Variants in EDIL3 observed in about 807,000 individuals in gnomAD.
EDIL3 encodes the protein EGF like and discoidin domains 3.
In EDIL3, 37 loss-of-function variants were observed where a neutral mutation model predicts 67.4. That is an observed-to-expected ratio of 0.55 (90% CI 0.42 to 0.72). EDIL3 has a LOEUF of 0.72. Among genes scored for constraint, EDIL3 ranks in the 30% least tolerant of loss-of-function variants. The pLI, the probability that EDIL3 is intolerant of heterozygous loss-of-function variation, is 0.00. For synonymous variants in EDIL3, 195 were observed against 196.3 expected (o/e 0.99, Z 0.05); for missense variants, 527 against 586.3 (o/e 0.90, Z 1.04).
At chr5:84,001,862 A>C (rs1355592027) in intron 9 of EDIL3, among the ~76,000 whole-genome samples, 1 of 152,120 alleles carries the variant, frequency 6.6e-6, no homozygotes, top group East Asian at 1.9e-4. Context: ...TACTCAAATC[A>C]TTCTGAAAAA....
rs1744242269 is a variant in EDIL3, at chr5:83,942,504, T to C, written c.*915A>G. The C allele has an allele frequency of 6.6e-6, 1 of 152,068 alleles. No homozygotes were observed. The highest frequency in any genetic ancestry group is 1.5e-5 in the Non-Finnish European group (1 of 67,976). The allele number at this position is 152,068 out of a possible 1,614,324, so 9.4% of individuals were successfully genotyped here. A position where few individuals can be genotyped will look rare whatever the true frequency, so the allele number is the denominator to read the frequency against. On this transcript the variant is annotated 3_prime_UTR_variant, in exon 11 of 11. Coordinates refer to ENST00000296591, the MANE Select transcript of EDIL3 (RefSeq NM_005711.5). ...CGATTTTTTAAAGTAAATATAAGGA[T>C]ATGTAATTACCATCTAAATGAAGAT... is the stretch of plus-strand genomic sequence containing the variant.
At chr5:84,249,952 G>T (rs6888441) in intron 2 of EDIL3, among the ~76,000 whole-genome samples, 46,605 of 151,684 alleles carry the variant, frequency 0.31, 7,442 homozygotes, top group East Asian at 0.52. Context: ...TATATATATA[G>T]AGAGAGAGAT....
In EDIL3 at chr5:84,017,128, A is replaced by G. The variant is rs116971969; in HGVS notation, c.1137+43172T>C. Among the ~76,000 whole-genome samples the G allele has an allele frequency of 2.4e-4, 37 of 152,300 alleles. No homozygotes were observed. The East Asian group carries it at 6.8e-3, about 28-fold the overall frequency. ...GATCAATGCAGAAAGTGCTTAATAAATCTTTCTGTTGATGTTCTCACTCTC... is the reference window on the plus strand; with the variant it reads ...GATCAATGCAGAAAGTGCTTAATAAGTCTTTCTGTTGATGTTCTCACTCTC... On this transcript the variant is annotated intron_variant, in intron 9 of 10. Transcript: ENST00000296591.
chr5:84,218,403 T>C (rs1402340881), intron 3 of EDIL3, among the ~76,000 whole-genome samples: 2 of 152,198 alleles, frequency 1.3e-5, no homozygotes, highest in African/African-American at 2.4e-5. Context: ...GTTGTTCCTA[T>C]AGAAACCAAT....
intron 5 of EDIL3, among the ~76,000 whole-genome samples, chr5:84,136,632 A>T (rs1033393717): frequency 3.3e-5 from 5 of 152,026 alleles, no homozygotes; most frequent in African/African-American, 1.2e-4. Flanking sequence ...AGCGTGTGGG[A>T]CGGCCCAAAT....
chr5:83,996,620 T>C (rs955410809), intron 9 of EDIL3, among the ~76,000 whole-genome samples: 1 of 152,152 alleles, frequency 6.6e-6, no homozygotes, highest in African/African-American at 2.4e-5. Flanking sequence ...TGTGATGATA[T>C]CATCAGTCCA....
Position 84,078,015 on chromosome 5 carries a change from A to G in EDIL3, c.652-11409T>C, listed in dbSNP as rs191682148. Among the ~76,000 whole-genome samples, 345 of 152,316 alleles carry G rather than the reference A, an allele frequency of 2.3e-3. 10 individuals are homozygous for G. Among genetic ancestry groups the G allele is most frequent in the Non-Finnish European group, 3.1e-4 (21 of 68,026 alleles). On this transcript the variant is annotated intron_variant, in intron 6 of 10. Coordinates refer to ENST00000296591, the MANE Select transcript of EDIL3 (RefSeq NM_005711.5). The stretch of plus-strand genomic sequence containing the variant: ...GATACAACAATTTACAGCCAACAGA[A>G]TGGCAAAACAAAAATATCAAATAAT...
chr5:84,172,266 G>A (rs1043770739), intron 4 of EDIL3, among the ~76,000 whole-genome samples: 4 of 152,028 alleles, frequency 2.6e-5, no homozygotes, highest in African/African-American at 9.7e-5. Context: ...ATAACTTCAG[G>A]TAAAAATTTA....
At chr5:84,369,573 A>G (rs1287402211) in intron 1 of EDIL3, among the ~76,000 whole-genome samples, 1 of 152,048 alleles carries the variant, frequency 6.6e-6, no homozygotes, top group Admixed American at 6.6e-5. Flanking sequence ...GGTGGTTGTC[A>G]GGGGCTGGGA....
rs958489028 is a variant in EDIL3 at position 83,943,200 on chromosome 5, T to A, written c.*219A>T. The stretch of plus-strand genomic sequence containing the variant: ...AAGTAATTCACACTTAATGTGTTGT[T>A]ACTTAAGAGATTTGACGGATAAAAT... On this transcript the variant is annotated 3_prime_UTR_variant, in exon 11 of 11. Transcript: ENST00000296591. 13 of 532,798 alleles carry A rather than the reference T, an allele frequency of 2.4e-5. No homozygotes were observed. The highest frequency in any genetic ancestry group is 3.3e-5 in the Non-Finnish European group (10 of 305,270). 33.0% of individuals were successfully genotyped at this position (532,798 alleles called of 1,614,324 possible).
intron 9 of EDIL3, among the ~76,000 whole-genome samples, chr5:84,020,879 C>T (rs1745703068): frequency 1.3e-5 from 2 of 151,882 alleles, no homozygotes; most frequent in African/African-American, 4.8e-5. Context: ...ACCAACAGTT[C>T]CTACTCTTAG....
chr5:84,241,984 G>A (rs968353494), intron 2 of EDIL3, among the ~76,000 whole-genome samples: 2 of 151,108 alleles, frequency 1.3e-5, no homozygotes, highest in African/African-American at 4.9e-5. Context: ...ACTTTGACAG[G>A]CCGAGGTGGG....
At chr5:84,026,710 A>G (rs900321776) in intron 9 of EDIL3, among the ~76,000 whole-genome samples, 3 of 152,200 alleles carry the variant, frequency 2.0e-5, no homozygotes, top group Non-Finnish European at 4.4e-5. Flanking sequence ...ACTAAATAAA[A>G]TCTGCTTCAA....
chr5:84,161,242 T>C (rs189327922), intron 4 of EDIL3, among the ~76,000 whole-genome samples: 2 of 152,198 alleles, frequency 1.3e-5, no homozygotes, highest in Admixed American at 6.6e-5. Context: ...TACTCATTGA[T>C]TGATAGGTGT....
At chr5:84,322,229 A>T (rs2112156780) in intron 1 of EDIL3, among the ~76,000 whole-genome samples, 1 of 152,108 alleles carries the variant, frequency 6.6e-6, no homozygotes, top group Non-Finnish European at 1.5e-5. Flanking sequence ...AAAAAGCAAC[A>T]ATAATTGACC....
chr5:84,344,480 A>T (rs1418561202), intron 1 of EDIL3, among the ~76,000 whole-genome samples: 1 of 152,064 alleles, frequency 6.6e-6, no homozygotes, highest in East Asian at 1.9e-4. Context: ...GAAGAATTTT[A>T]AACACGTTAC....
At chr5:84,268,594 C>A (rs921355497) in intron 1 of EDIL3, among the ~76,000 whole-genome samples, 7 of 152,150 alleles carry the variant, frequency 4.6e-5, no homozygotes, top group African/African-American at 1.7e-4. Context: ...CTGCTCTGTA[C>A]ATAAAGATTT....
chr5:84,197,897 A>G (rs576346822), intron 3 of EDIL3, among the ~76,000 whole-genome samples: 1 of 152,174 alleles, frequency 6.6e-6, no homozygotes, highest in African/African-American at 2.4e-5. Flanking sequence ...GCTATTGAAT[A>G]CATATAAACT....
chr5:84,087,787 T>C (rs1747098113), intron 6 of EDIL3, among the ~76,000 whole-genome samples: 1 of 152,140 alleles, frequency 6.6e-6, no homozygotes, highest in Admixed American at 6.5e-5. Flanking sequence ...GAATGGAATC[T>C]AGTTGAGGAG....
Sources: allele counts gnomAD v4.1 joint callset (sites outside exome capture counted in the v4.1 genomes callset), GRCh38; gene constraint gnomAD v4.1.1; transcripts MANE v1.5; gene names NCBI Gene and HGNC (gene_info 2026-07-23, HGNC 2026-07-21).